The following TTC28 variants were observed in gnomAD, a reference collection of about 807,000 sequenced individuals.
TTC28 encodes the protein tetratricopeptide repeat domain 28.
Under a neutral mutation model 198.0 loss-of-function variants are expected in TTC28, and 61 were observed. That is an observed-to-expected ratio of 0.31 (90% confidence interval 0.25 to 0.38). The LOEUF (loss-of-function observed/expected upper bound fraction) is 0.38, where lower values mean the gene tolerates loss of function less well. Ranked by LOEUF, TTC28 falls within the 10% of genes least tolerant of loss-of-function variation. The pLI, the probability that TTC28 is intolerant of heterozygous loss-of-function variation, is 1.00. For synonymous variants in TTC28, 1,171 were observed against 1,297.8 expected, an observed-to-expected ratio of 0.90 and a Z score of 2.10; for missense variants, 2,678 against 3,164.0, an observed-to-expected ratio of 0.85 and a Z score of 3.69.
intron 5 of TTC28, among the ~76,000 whole-genome samples, chr22:28,181,696 C>T (rs1923716613): frequency 6.6e-6 from 1 of 152,124 alleles, no homozygotes; most frequent in Non-Finnish European, 1.5e-5. Flanking sequence ...ATAAATGTTA[C>T]TCCTTGACAC....
intron 2 of TTC28, among the ~76,000 whole-genome samples, chr22:28,389,450 CG>C (rs1245959335): frequency 6.6e-6 from 1 of 150,512 alleles, no homozygotes; most frequent in Non-Finnish European, 1.5e-5. Flanking sequence ...TGGTAGAATT[CG>C]GCAGTGAATC....
Position 28,217,441 on chromosome 22 carries a change from T to C in TTC28, c.934-53842A>G, listed in dbSNP as rs80284459. 4.3e-4 allele frequency among the ~76,000 whole-genome samples: 65 copies of C among 152,302 alleles called. 1 individual carries two copies. The East Asian group carries it at 0.012, about 28-fold the overall frequency. ...ATGGATTCCATTTAGTATAAAGGAA[T>C]TGTGGCGATAGAGGAAAGTGATAAC... On this transcript the variant is annotated intron_variant, in intron 5 of 22. Transcript: ENST00000397906.
In TTC28 at chr22:28,337,029, G is replaced by C. The variant is rs542030026; in HGVS notation, c.382-30386C>G. Among the ~76,000 whole-genome samples, 6 of 152,158 alleles carry C rather than the reference G, an allele frequency of 3.9e-5. No homozygotes were observed. The East Asian group carries it at 1.2e-3, about 29-fold the overall frequency. On this transcript the variant is annotated intron_variant, in intron 2 of 22. Transcript: ENST00000397906. Reference sequence around the variant, plus strand: ...GCTTTGAATGTGTTCCAGAGATTCTGGTATGTTGTGTCTTTGTTCTCATTG... The same window carrying C: ...GCTTTGAATGTGTTCCAGAGATTCTCGTATGTTGTGTCTTTGTTCTCATTG...
intron 5 of TTC28, among the ~76,000 whole-genome samples, chr22:28,242,790 C>T (rs1394143079): frequency 6.6e-6 from 1 of 151,648 alleles, no homozygotes; most frequent in African/African-American, 2.4e-5. Context: ...ATGTCTGTGA[C>T]CAATAATATG....
intron 1 of TTC28, among the ~76,000 whole-genome samples, chr22:28,657,612 C>T (rs1031881462): frequency 3.9e-5 from 6 of 152,216 alleles, no homozygotes; most frequent in African/African-American, 1.4e-4. Context: ...GGCGTGGTGG[C>T]TCACGCCTAT....
intron 2 of TTC28, among the ~76,000 whole-genome samples, chr22:28,543,918 C>A (rs1292979533): frequency 6.6e-6 from 1 of 152,126 alleles, no homozygotes; most frequent in Admixed American, 6.5e-5. Flanking sequence ...GATTGATTCT[C>A]GAATGTTAAA....
chr22:28,294,792 C>T (rs2044859951), intron 5 of TTC28, among the ~76,000 whole-genome samples: 1 of 152,156 alleles, frequency 6.6e-6, no homozygotes, highest in East Asian at 1.9e-4. Flanking sequence ...TGGTCTTCAA[C>T]TCCTGACCTC....
chr22:28,290,769 A>G (rs1436235900), intron 5 of TTC28, among the ~76,000 whole-genome samples: 1 of 152,070 alleles, frequency 6.6e-6, no homozygotes, highest in Non-Finnish European at 1.5e-5. Context: ...CAAATTAGGC[A>G]GGCATGGTGG....
At chr22:28,334,211 A>G (rs2045667220) in intron 2 of TTC28, among the ~76,000 whole-genome samples, 1 of 151,994 alleles carries the variant, frequency 6.6e-6, no homozygotes, top group Non-Finnish European at 1.5e-5. Flanking sequence ...ATAGTATTCC[A>G]TGGTGTATAT....
rs772924343 is a variant in TTC28, at chr22:28,107,796, T to C, written c.2049A>G (p.Ala683=). ...TACTGAAATTCAGCAGAGCCTTGAA[T>C]GCTAGGCCCAAGTTGCAGTAGGCTT... The part of the protein sequence containing the change: ...QAKAYCNLGL[A]FKALLNFSKA... The change falls in exon 7 of 23, where the codon GCA becomes GCG. Residue 683 remains alanine (A), a synonymous_variant. Coordinates refer to ENST00000397906, the MANE Select transcript of TTC28 (RefSeq NM_001145418.2). 4 of 1,551,966 alleles carry C rather than the reference T, an allele frequency of 2.6e-6. No homozygotes were observed. The African/African-American group carries it at 4.1e-5, about 16-fold the overall frequency.
At chr22:28,430,036 ATTTTTTT>A (rs919396993) in intron 2 of TTC28, among the ~76,000 whole-genome samples, 154 of 109,974 alleles carry the variant, frequency 1.4e-3, no homozygotes, top group African/African-American at 4.8e-3. Context: ...CTGGAATATG[ATTTTTTT>A]TTTTTTTTTT....
chr22:28,444,329 A>G (rs1295250736), intron 2 of TTC28, among the ~76,000 whole-genome samples: 1 of 152,184 alleles, frequency 6.6e-6, no homozygotes, highest in African/African-American at 2.4e-5. Context: ...TTCTGTATGC[A>G]TTCCCAGGAT....
intron 3 of TTC28, among the ~76,000 whole-genome samples, chr22:28,302,978 C>T (rs1484141564): frequency 1.3e-5 from 2 of 152,206 alleles, no homozygotes; most frequent in African/African-American, 4.8e-5. Flanking sequence ...AAAGCTTATA[C>T]ATTTAACAGG....
intron 2 of TTC28, among the ~76,000 whole-genome samples, chr22:28,542,502 G>A (rs1429377667): frequency 6.6e-6 from 1 of 152,142 alleles, no homozygotes; most frequent in Non-Finnish European, 1.5e-5. Flanking sequence ...CTAACAATGT[G>A]AATGGACTTA....
chr22:28,346,981 G>C (rs1171190136), intron 2 of TTC28, among the ~76,000 whole-genome samples: 2 of 152,156 alleles, frequency 1.3e-5, no homozygotes, highest in Non-Finnish European at 2.9e-5. Context: ...GAAAGACTAT[G>C]GCCGGGTGCG....
intron 8 of TTC28, among the ~76,000 whole-genome samples, chr22:28,104,913 C>T (rs1046240449): frequency 5.9e-5 from 9 of 152,308 alleles, no homozygotes; most frequent in African/African-American, 1.9e-4. Context: ...TTTAGGATTA[C>T]ATCTTACTTG....
At chr22:28,674,139 T>C (rs2051936442) in intron 1 of TTC28, among the ~76,000 whole-genome samples, 1 of 152,122 alleles carries the variant, frequency 6.6e-6, no homozygotes, top group Non-Finnish European at 1.5e-5. Flanking sequence ...GCAATACAAC[T>C]ATGTGGTATG....
intron 2 of TTC28, among the ~76,000 whole-genome samples, chr22:28,422,614 A>C (rs76857501): frequency 1.3e-5 from 2 of 150,458 alleles, no homozygotes; most frequent in Non-Finnish European, 1.5e-5. Context: ...AATTTTTTGT[A>C]ATTTTTTTTT....
Position 28,511,127 on chromosome 22 carries a change from G to A in TTC28, c.381+118425C>T, listed in dbSNP as rs534140568. ...AATGGTATTCCTATCAAACTACCACGGACATTATTCACAGAATTAGGAAAA... is the reference window on the plus strand; with the variant it reads ...AATGGTATTCCTATCAAACTACCACAGACATTATTCACAGAATTAGGAAAA... On this transcript the variant is annotated intron_variant, in intron 2 of 22. Coordinates refer to ENST00000397906, the MANE Select transcript of TTC28 (RefSeq NM_001145418.2). Among the ~76,000 whole-genome samples the A allele has an allele frequency of 5.3e-5, 8 of 152,046 alleles. No homozygotes were observed. In the East Asian group the frequency reaches 5.8e-4, roughly 11 times the overall value.
Sources: gnomAD v4.1 joint callset for allele counts (sites outside exome capture counted in the v4.1 genomes callset) on GRCh38, gnomAD v4.1.1 for gene constraint, MANE v1.5 for transcripts, NCBI Gene and HGNC (gene_info 2026-07-23, HGNC 2026-07-21) for gene names.